RALGAPA2: variants seen among roughly 807,000 people sequenced by gnomAD.
The protein encoded by RALGAPA2 is Ral GTPase activating protein catalytic subunit alpha 2, also known as ral GTPase-activating protein subunit alpha-2.
In RALGAPA2, 139 loss-of-function variants were observed where a neutral mutation model predicts 230.4. The observed-to-expected ratio is 0.60, with a 90% CI of 0.53 to 0.69. The LOEUF (loss-of-function observed/expected upper bound fraction) is 0.69, where lower values mean the gene tolerates loss of function less well. Among genes scored for constraint, RALGAPA2 ranks in the 30% least tolerant of loss-of-function variants. The pLI, the probability that RALGAPA2 is intolerant of heterozygous loss-of-function variation, is 0.00. For synonymous variants in RALGAPA2, 847 were observed against 837.8 expected, an observed-to-expected ratio of 1.01 and a Z score of -0.19; for missense variants, 2,163 against 2,276.0, an observed-to-expected ratio of 0.95 and a Z score of 1.01.
intron 5 of RALGAPA2, among the ~76,000 whole-genome samples, chr20:20,641,321 G>C (rs557647739): frequency 6.6e-6 from 1 of 152,084 alleles, no homozygotes; most frequent in Non-Finnish European, 1.5e-5. Context: ...CAGTACCCAC[G>C]GCCTCAATTA....
intron 39 of RALGAPA2, among the ~76,000 whole-genome samples, chr20:20,393,610 G>C (rs2059642849): frequency 6.6e-6 from 1 of 152,160 alleles, no homozygotes; most frequent in African/African-American, 2.4e-5. Flanking sequence ...CAATGGAAAA[G>C]CCCGTGAAAC....
At chr20:20,497,115 A>G (rs569889644) in intron 35 of RALGAPA2, among the ~76,000 whole-genome samples, 32 of 152,284 alleles carry the variant, frequency 2.1e-4, no homozygotes, top group Non-Finnish European at 4.4e-4. Context: ...TGTATAGCCA[A>G]CCCCTTACAT....
intron 24 of RALGAPA2, among the ~76,000 whole-genome samples, chr20:20,546,327 T>G (rs561187282): frequency 9.2e-5 from 14 of 152,168 alleles, no homozygotes; most frequent in African/African-American, 3.4e-4. Context: ...AGACTTAATT[T>G]AAAAACAAAA....
intron 23 of RALGAPA2, among the ~76,000 whole-genome samples, chr20:20,569,173 T>C (rs1307056034): frequency 6.6e-6 from 1 of 152,194 alleles, no homozygotes; most frequent in African/African-American, 2.4e-5. Flanking sequence ...GATCAAAAGT[T>C]AAACTAATTA....
intron 4 of RALGAPA2, among the ~76,000 whole-genome samples, chr20:20,653,195 CAAAAAAAAAAAAA>C (rs60906434): frequency 0.046 from 1,273 of 27,532 alleles, 31 homozygotes; most frequent in African/African-American, 0.12. Flanking sequence ...GACTCCATCT[CAAAAAAAAAAAAA>C]AAAAAAAAAA....
intron 35 of RALGAPA2, among the ~76,000 whole-genome samples, chr20:20,495,693 A>T (rs1318318564): frequency 1.3e-5 from 2 of 152,260 alleles, no homozygotes; most frequent in Non-Finnish European, 2.9e-5. Context: ...TATGAAAATA[A>T]GAATATGAAC....
chr20:20,610,362 C>G (rs2065942408), intron 14 of RALGAPA2, among the ~76,000 whole-genome samples: 1 of 152,212 alleles, frequency 6.6e-6, no homozygotes, highest in South Asian at 2.1e-4. Flanking sequence ...GCTCAGGACT[C>G]TCTGGCACAT....
chr20:20,431,393 A>G (rs1245367996), intron 37 of RALGAPA2, among the ~76,000 whole-genome samples: 2 of 152,202 alleles, frequency 1.3e-5, no homozygotes, highest in African/African-American at 4.8e-5. Flanking sequence ...AGAGATCTGT[A>G]CAGAAAGCCC....
chr20:20,457,241 C>A (rs2061143989), intron 37 of RALGAPA2, among the ~76,000 whole-genome samples: 1 of 152,142 alleles, frequency 6.6e-6, no homozygotes, highest in African/African-American at 2.4e-5. Context: ...ACTTTCAGCA[C>A]AGGGAGAGGT....
chr20:20,430,089 C>T (rs983416201), intron 37 of RALGAPA2, among the ~76,000 whole-genome samples: 6 of 152,236 alleles, frequency 3.9e-5, no homozygotes, highest in African/African-American at 1.4e-4. Flanking sequence ...GAACCTGCAT[C>T]CCCTCATCTG....
Position 20,712,335 on chromosome 20 carries a change from A to G in RALGAPA2, c.106+40T>C, listed in dbSNP as rs751154039. 3 of 1,540,180 alleles carry G rather than the reference A, an allele frequency of 1.9e-6. No individual in the cohort carries two copies. The East Asian group carries it at 7.5e-5, about 38-fold the overall frequency. On this transcript the variant is annotated intron_variant, in intron 1 of 39. Coordinates refer to ENST00000202677, the MANE Select transcript of RALGAPA2 (RefSeq NM_020343.4). This position sits in a 1 kb window ranked among gnomAD's most constrained non-coding sequence, Gnocchi z 5.5. ...GAGCGCCCTCCCGGCAGGTGCCCCT[A>G]ACCCGGCGCCCCGACCCCCGCGCCC...
At chr20:20,415,046 G>A (rs2060139149) in intron 37 of RALGAPA2, among the ~76,000 whole-genome samples, 1 of 152,234 alleles carries the variant, frequency 6.6e-6, no homozygotes, top group Admixed American at 6.5e-5. Flanking sequence ...GAGCTTGTGG[G>A]TGCCAAAAAT....
intron 24 of RALGAPA2, among the ~76,000 whole-genome samples, chr20:20,538,464 G>A (rs908672936): frequency 6.6e-6 from 1 of 152,156 alleles, no homozygotes; most frequent in Non-Finnish European, 1.5e-5. Flanking sequence ...GGGCCACAGG[G>A]ACTGTGAAAG....
chr20:20,570,696 C>CT (rs1257511807), intron 23 of RALGAPA2, among the ~76,000 whole-genome samples: 2 of 152,202 alleles, frequency 1.3e-5, no homozygotes, highest in African/African-American at 4.8e-5. Flanking sequence ...AGGCCAATCT[C>CT]TGATTCTATC....
At chr20:20,496,623 T>C (rs1189027790) in intron 35 of RALGAPA2, among the ~76,000 whole-genome samples, 1 of 152,242 alleles carries the variant, frequency 6.6e-6, no homozygotes, top group Non-Finnish European at 1.5e-5. Context: ...AAAATAGAGA[T>C]GTGTCAAATT....
In RALGAPA2 at chr20:20,535,740, T is replaced by A; in HGVS notation, c.3473+5A>T. ...AAAATAGTTTACCTCTTATTCAACA[T>A]TTACCTTGCATATTCATTTGGTTCT... On this transcript the variant is annotated splice_donor_5th_base_variant and intron_variant, in intron 26 of 39. Transcript: ENST00000202677. 1.3e-6 allele frequency: 2 copies of A among 1,547,884 alleles called. No homozygotes were observed. Among genetic ancestry groups the A allele is most frequent in the Non-Finnish European group, 1.7e-6 (2 of 1,145,424 alleles).
chr20:20,520,138 G>A (rs2145434707), intron 31 of RALGAPA2, among the ~76,000 whole-genome samples: 1 of 152,264 alleles, frequency 6.6e-6, no homozygotes, highest in South Asian at 2.1e-4. Context: ...TCATCTCAGG[G>A]TAACATCTTG....
At chr20:20,677,055 T>C (rs929224113) in intron 2 of RALGAPA2, among the ~76,000 whole-genome samples, 1 of 152,226 alleles carries the variant, frequency 6.6e-6, no homozygotes, top group Non-Finnish European at 1.5e-5. Context: ...ATATCATTCA[T>C]TCATTCATTC....
At chr20:20,510,192 T>C (rs1486036521) in intron 33 of RALGAPA2, among the ~76,000 whole-genome samples, 1 of 152,112 alleles carries the variant, frequency 6.6e-6, no homozygotes, top group Non-Finnish European at 1.5e-5. Context: ...GCTCATGACT[T>C]AGATGAGAAA....
Sources: allele counts gnomAD v4.1 joint callset (sites outside exome capture counted in the v4.1 genomes callset), GRCh38; gene constraint gnomAD v4.1.1; non-coding constraint Gnocchi (gnomAD v3.1); transcripts MANE v1.5; gene names NCBI Gene and HGNC (gene_info 2026-07-23, HGNC 2026-07-21).